ATP6V0B: variants seen among roughly 807,000 people sequenced by gnomAD.
ATP6V0B encodes the protein V-type proton ATPase 21 kDa proteolipid subunit c''.
A neutral mutation model predicts 26.2 loss-of-function variants in ATP6V0B; 4 were observed. The ratio of observed to expected loss-of-function variants is 0.15; its 90% CI spans 0.08 to 0.35. The LOEUF (loss-of-function observed/expected upper bound fraction) is 0.35, where lower values mean the gene tolerates loss of function less well. Among genes scored for constraint, ATP6V0B ranks in the 10% least tolerant of loss-of-function variants. The pLI, the probability that ATP6V0B is intolerant of heterozygous loss-of-function variation, is 1.00. For missense variants in ATP6V0B, 175 were observed against 272.5 expected (o/e 0.64, Z 2.52); for synonymous variants, 110 against 105.8 (o/e 1.04, Z -0.24).
In ATP6V0B at chr1:43,977,041, G is replaced by T; in HGVS notation, c.416G>T (p.Gly139Val). 1 of 1,607,672 alleles carries T rather than the reference G, an allele frequency of 6.2e-7. No individual in the cohort carries two copies. The highest frequency in any genetic ancestry group is 8.5e-7 in the Non-Finnish European group (1 of 1,175,330). Reference protein sequence around the residue: ...RNYHAGYSMFGAGLTVGLSNL... With the variant: ...RNYHAGYSMFVAGLTVGLSNL... Reference sequence around the variant, plus strand: ...ATCCTCCCAGGCTACTCCATGTTTGGGGCTGGCCTCACCGTAGGCCTGTCT... The same window carrying T: ...ATCCTCCCAGGCTACTCCATGTTTGTGGCTGGCCTCACCGTAGGCCTGTCT... The change falls in exon 7 of 8, where the codon GGG becomes GTG. Residue 139 changes from glycine to valine, a missense_variant. Around this residue, in one of 3 missense-constraint regions of ATP6V0B, gnomAD observed 97 missense variants for 158.0 expected, o/e 0.61. Coordinates refer to ENST00000472174, the MANE Select transcript of ATP6V0B (RefSeq NM_004047.5).
In ATP6V0B at chr1:43,975,683, G is replaced by A. The variant is rs2286242; in HGVS notation, c.68-117G>A. 2.7e-4 allele frequency: 308 copies of A among 1,133,692 alleles called. 3 individuals carry two copies. The East Asian group carries it at 7.0e-3, about 26-fold the overall frequency. The allele number at this position is 1,133,692 out of a possible 1,614,324, so 70.2% of individuals were successfully genotyped here. On this transcript the variant is annotated intron_variant, in intron 1 of 7. Coordinates refer to ENST00000472174, the MANE Select transcript of ATP6V0B (RefSeq NM_004047.5). ...TACACAGCTGTACTGTCACCTGGGG[G>A]CAGCCTGAGGACGCCCCTTCAGGGA...
Position 43,975,094 on chromosome 1 carries a change from C to T in ATP6V0B, c.54C>T (p.Cys18=), listed in dbSNP as rs769570289. 9 of 1,408,884 alleles carry T rather than the reference C, an allele frequency of 6.4e-6. No homozygotes were observed. Among genetic ancestry groups the T allele is most frequent in the Non-Finnish European group, 8.3e-6 (9 of 1,087,250 alleles). The allele number at this position is 1,408,884 out of a possible 1,614,324, so 87.3% of individuals were successfully genotyped here. ...GGGTCTTCGTGGCCTTCTGGGCCTGCGCGCTGGCCGTGGGTGAGGCCGGGT... is the reference window on the plus strand; with the variant it reads ...GGGTCTTCGTGGCCTTCTGGGCCTGTGCGCTGGCCGTGGGTGAGGCCGGGT... ...YSGVFVAFWA[C]ALAVGVCYTI... is the part of the protein sequence containing the mutation. The change falls in exon 1 of 8, where the codon TGC becomes TGT. Residue 18 remains cysteine, a synonymous_variant. Transcript: ENST00000472174.
At position 43,975,033 on chromosome 1, in the gene ATP6V0B, T is replaced by TCGCCGC; in HGVS notation, c.-6_-1dup. On this transcript the variant is annotated 5_prime_UTR_variant, in exon 1 of 8. Coordinates refer to ENST00000472174, the MANE Select transcript of ATP6V0B (RefSeq NM_004047.5). ...CCCGCCGTTCCGACCCCCGCCGCCG[T>TCGCCGC]CGCCGCCATGACGGGGCTAGCACTG... The TCGCCGC allele has an allele frequency of 7.9e-7, 1 of 1,269,040 alleles. No homozygotes were observed. 78.6% of individuals were successfully genotyped at this position (1,269,040 alleles called of 1,614,324 possible). A position where few individuals can be genotyped will look rare whatever the true frequency, so the allele number is the denominator to read the frequency against.
chr1:43,975,909 T>C, intron 2 of ATP6V0B, 61 bp downstream of exon 2: 1 of 1,541,112 alleles, frequency 6.5e-7, no homozygotes, highest in Middle Eastern at 1.8e-4. Context: ...TCTCTTCTTT[T>C]CTCTGGTCTG....
In ATP6V0B at chr1:43,978,190, G is replaced by GGCTGCT. The variant is rs571430232; in HGVS notation, c.*191_*196dup. 6.2e-6 allele frequency: 5 copies of GGCTGCT among 804,020 alleles called. No homozygotes were observed. The highest frequency in any genetic ancestry group is 5.0e-5 in the East Asian group (2 of 39,850). 49.8% of individuals were successfully genotyped at this position (804,020 alleles called of 1,614,324 possible). A position where few individuals can be genotyped will look rare whatever the true frequency, so the allele number is the denominator to read the frequency against. ...GGCCGAGTCCTCAGTGCGGGGAGCA[G>GGCTGCT]GCTGCTGCTGCTGACTCTGTGCAGC... On this transcript the variant is annotated 3_prime_UTR_variant, in exon 8 of 8. Transcript: ENST00000472174.
Position 43,976,563 on chromosome 1 carries a change from C to T in ATP6V0B, c.279-27C>T. ...TCTCATTTCTTTCTCCTTTCCACTC[C>T]TTACCCCTAATCTCTACCACTACCA... On this transcript the variant is annotated intron_variant, in intron 4 of 7. Transcript: ENST00000472174. The surrounding 1 kb of genome is among the most constrained non-coding windows in gnomAD (Gnocchi z 4.6). 1 of 1,612,570 alleles carries T rather than the reference C, an allele frequency of 6.2e-7. No homozygotes were observed. Among genetic ancestry groups the T allele is most frequent in the Middle Eastern group, 1.7e-4 (1 of 6,060 alleles).
rs984164283 is a variant in ATP6V0B, at chr1:43,977,822, C to T, written c.592-159C>T. 1.3e-5 allele frequency: 20 copies of T among 1,574,304 alleles called. No homozygotes were observed. The African/African-American group carries it at 1.9e-4, about 15-fold the overall frequency. ...CAGCGTAACTCTGTGGTTGTCTGTC[C>T]CTGTCTGCCTTGTCTGTCACAGTGT... On this transcript the variant is annotated intron_variant, in intron 7 of 7. Transcript: ENST00000472174.
In ATP6V0B at chr1:43,975,006, GCCCCGCCGTTCCGAC is replaced by G; in HGVS notation, c.-26_-12del. 3.2e-6 allele frequency: 4 copies of G among 1,260,508 alleles called. No individual in the cohort carries two copies. The highest frequency in any genetic ancestry group is 4.0e-6 in the Non-Finnish European group (4 of 999,330). The allele number at this position is 1,260,508 out of a possible 1,614,324, so 78.1% of individuals were successfully genotyped here. On this transcript the variant is annotated 5_prime_UTR_variant, in exon 1 of 8. Transcript: ENST00000472174. The stretch of plus-strand genomic sequence containing the variant: ...ACGCTGGGACGCGTTTGTAGCTCCG[GCCCCGCCGTTCCGAC>G]CCCCGCCGCCGTCGCCGCCATGACG...
intron 7 of ATP6V0B, chr1:43,977,469 T>G (rs1267089198): frequency 1.4e-6 from 2 of 1,432,522 alleles, no homozygotes. Context: ...TAGCACTTAG[T>G]CCTCCCTCTT....
Position 43,978,098 on chromosome 1 carries a change from C to A in ATP6V0B, c.*91C>A. On this transcript the variant is annotated 3_prime_UTR_variant, in exon 8 of 8. Transcript: ENST00000472174. ...GCTGTGTCCCTTAGCCTTTCAGAGG[C>A]TTGGTGTTCAGGGCCCTCCCTGCAC... 1 of 1,584,518 alleles carries A rather than the reference C, an allele frequency of 6.3e-7. No individual in the cohort carries two copies. Among genetic ancestry groups the A allele is most frequent in the Non-Finnish European group, 8.7e-7 (1 of 1,153,980 alleles).
In ATP6V0B at chr1:43,975,717, T is replaced by C. The variant is rs765425699; in HGVS notation, c.68-83T>C. 17 of 1,531,650 alleles carry C rather than the reference T, an allele frequency of 1.1e-5. No individual in the cohort carries two copies. The African/African-American group carries it at 2.2e-4, about 20-fold the overall frequency. 94.9% of individuals were successfully genotyped at this position (1,531,650 alleles called of 1,614,324 possible). Reference sequence around the variant, plus strand: ...GGACGCCCCTTCAGGGAGGTGGCCCTTCAGCTCGGCAGCTACTTTAGGTTG... The same window carrying C: ...GGACGCCCCTTCAGGGAGGTGGCCCCTCAGCTCGGCAGCTACTTTAGGTTG... On this transcript the variant is annotated intron_variant, in intron 1 of 7. Coordinates refer to ENST00000472174, the MANE Select transcript of ATP6V0B (RefSeq NM_004047.5).
chr1:43,975,516 T>G (rs912539803), intron 1 of ATP6V0B: 11 of 565,190 alleles, frequency 1.9e-5, no homozygotes, highest in South Asian at 1.3e-4. Context: ...GCCGGCGGGA[T>G]CTGGCTGGAG....
At chr1:43,977,836 C>T in intron 7 of ATP6V0B, 145 bp from the exon 8 acceptor site, 2 of 1,588,854 alleles carry the variant, frequency 1.3e-6, no homozygotes, top group South Asian at 2.3e-5. Flanking sequence ...TCTGCCTTGT[C>T]TGTCACAGTG....
chr1:43,975,768 C>T (rs747923798), intron 1 of ATP6V0B, 32 bp from the exon 2 acceptor site: 4 of 1,584,108 alleles, frequency 2.5e-6, no homozygotes, highest in Admixed American at 1.8e-5. Flanking sequence ...CCGAGCAGCC[C>T]GTAACCCCCT....
chr1:43,976,809 C>G lies in ATP6V0B; in HGVS notation c.385C>G (p.Arg129Gly). 6.2e-7 allele frequency: 1 copy of G among 1,614,228 alleles called. No individual in the cohort carries two copies. Among genetic ancestry groups the G allele is most frequent in the Non-Finnish European group, 8.5e-7 (1 of 1,180,040 alleles). Residue 129 changes from arginine to glycine, a missense_variant, in exon 6 of 8, where the codon CGG (arginine) becomes GGG (glycine). By Grantham distance (125) the Arg-to-Gly change is moderately radical. Around this residue, in one of 3 missense-constraint regions of ATP6V0B, gnomAD observed 97 missense variants for 158.0 expected, o/e 0.61. Transcript: ENST00000472174. This position sits in a 1 kb window ranked among gnomAD's most constrained non-coding sequence, Gnocchi z 4.6. Reference protein sequence around the residue: ...SATDPKAIGHRNYHAGYSMFG... With the variant: ...SATDPKAIGHGNYHAGYSMFG... ...CACAGACCCCAAGGCCATCGGCCAT[C>G]GGAACTACCATGCAGGTGGGTGGAT...
chr1:43,976,075 C>T lies in ATP6V0B; in HGVS notation c.117-15C>T, dbSNP rs2085516211. The T allele has an allele frequency of 6.2e-7, 1 of 1,613,264 alleles. No homozygotes were observed. Among genetic ancestry groups the T allele is most frequent in the Non-Finnish European group, 8.5e-7 (1 of 1,179,218 alleles). On this transcript the variant is annotated splice_polypyrimidine_tract_variant and intron_variant, in intron 2 of 7. Coordinates refer to ENST00000472174, the MANE Select transcript of ATP6V0B (RefSeq NM_004047.5). The surrounding 1 kb of genome is among the most constrained non-coding windows in gnomAD (Gnocchi z 4.6). ...TGCTAGAGCTGAACTGCTTTCTTCT[C>T]TGCTTCCACAACAGGTTCCTGACGG...
rs374119264 is a variant in ATP6V0B at position 43,976,804 on chromosome 1, G to A, written c.380G>A (p.Gly127Asp). 17 of 1,614,168 alleles carry A rather than the reference G, an allele frequency of 1.1e-5. No homozygotes were observed. The highest frequency in any genetic ancestry group is 1.4e-5 in the Non-Finnish European group (17 of 1,180,036). Residue 127 changes from glycine (G) to aspartate (D), a missense_variant, in exon 6 of 8, where the codon GGC becomes GAC. By Grantham distance (94) the Gly-to-Asp change is moderately conservative. Coordinates refer to ENST00000472174, the MANE Select transcript of ATP6V0B (RefSeq NM_004047.5). This position sits in a 1 kb window ranked among gnomAD's most constrained non-coding sequence, Gnocchi z 4.6. ...AGTGCCACAGACCCCAAGGCCATCG[G>A]CCATCGGAACTACCATGCAGGTGGG... ...PFSATDPKAI[G>D]HRNYHAGYSM...
intron 7 of ATP6V0B, chr1:43,977,624 A>C: frequency 7.0e-7 from 1 of 1,418,574 alleles, no homozygotes; most frequent in Non-Finnish European, 9.1e-7. Context: ...TCCCTCTCAC[A>C]TGCCTGTCAG....
At chr1:43,977,742 A>T in intron 7 of ATP6V0B, 1 of 1,445,750 alleles carries the variant, frequency 6.9e-7, no homozygotes, top group Non-Finnish European at 9.1e-7. Flanking sequence ...TGCTTGACTG[A>T]GTTGATTCTT....
Sources: allele counts gnomAD v4.1 joint callset, GRCh38; gene constraint gnomAD v4.1.1; regional missense constraint gnomAD v4.1.1; non-coding constraint Gnocchi (gnomAD v3.1); transcripts MANE v1.5; gene names NCBI Gene and HGNC (gene_info 2026-07-23, HGNC 2026-07-21).